Variants in COL17A1 observed in about 807,000 individuals in gnomAD.
COL17A1 encodes collagen type XVII alpha 1 chain.
A neutral mutation model predicts 218.4 loss-of-function variants in COL17A1; 181 were observed. The observed-to-expected ratio is 0.83, with a 90% confidence interval of 0.73 to 0.94. The LOEUF (loss-of-function observed/expected upper bound fraction) is 0.94, where lower values mean the gene tolerates loss of function less well. COL17A1 is among the 40% of genes least tolerant of loss of function. COL17A1 has a pLI of 0.00. For synonymous variants in COL17A1, 721 were observed against 731.0 expected, an observed-to-expected ratio of 0.99 and a Z score of 0.22; for missense variants, 1,924 against 1,945.9, an observed-to-expected ratio of 0.99 and a Z score of 0.21.
rs2086360047 is a variant in COL17A1, at chr10:104,041,529, T to C, written c.2561A>G (p.Asn854Ser). 1 of 1,613,090 alleles carries C rather than the reference T, an allele frequency of 6.2e-7. No individual in the cohort carries two copies. The highest frequency in any genetic ancestry group is 8.5e-7 in the Non-Finnish European group (1 of 1,179,100). The change falls in exon 37 of 56, where the codon AAT becomes AGT. Residue 854 changes from asparagine (N) to serine (S), a missense_variant. Transcript: ENST00000648076. ...GGGTGGGCCTGGGGGACCTTGTAAA[T>C]TAAGAACTTCTATAGAGAGAAGAAA... Reference protein sequence around the residue: ...AGLPGHQEVLNLQGPPGPPGP... With the variant: ...AGLPGHQEVLSLQGPPGPPGP...
intron 13 of COL17A1, among the ~76,000 whole-genome samples, chr10:104,061,113 A>T (rs999707053): frequency 6.6e-6 from 1 of 152,216 alleles, no homozygotes; most frequent in African/African-American, 2.4e-5. Context: ...AAAGGCTTCC[A>T]GTCAAGGGCA....
intron 28 of COL17A1, 63 bp from the exon 29 acceptor site, chr10:104,049,534 G>A (rs1283941385): frequency 1.1e-5 from 17 of 1,549,056 alleles, no homozygotes; most frequent in Non-Finnish European, 1.5e-5. Context: ...TAACAATGGT[G>A]GTCTGCTCCC....
intron 4 of COL17A1, among the ~76,000 whole-genome samples, chr10:104,077,020 G>A (rs975832163): frequency 5.3e-5 from 8 of 152,146 alleles, no homozygotes; most frequent in Admixed American, 3.9e-4. Flanking sequence ...AGTTTCTTTC[G>A]TTGTTAATTC....
Position 104,036,622 on chromosome 10 carries a change from C to A in COL17A1, c.3288G>T (p.Val1096=). 2 of 1,613,852 alleles carry A rather than the reference C, an allele frequency of 1.2e-6. No homozygotes were observed. ...DILAVLQRDD[V]RQYLRQYLMG... The stretch of plus-strand genomic sequence containing the variant: ...TCAAGTACTGACGTAGGTACTGACG[C>A]ACGTCATCCCCTGGAGAGGAGAGGA... Residue 1096 remains valine (V), a synonymous_variant, in exon 48 of 56, where the codon GTG becomes GTT. Coordinates refer to ENST00000648076, the MANE Select transcript of COL17A1 (RefSeq NM_000494.4).
chr10:104,053,282 A>G lies in COL17A1; in HGVS notation c.1835-147T>C, dbSNP rs1424142490. On this transcript the variant is annotated intron_variant, in intron 22 of 55. Coordinates refer to ENST00000648076, the MANE Select transcript of COL17A1 (RefSeq NM_000494.4). ...CTCCTGGACCCCATAGCCTTGGCTC[A>G]ACCTGGAAGCCAGAGTGACCCTTTG... is the stretch of plus-strand genomic sequence containing the variant. 5.7e-6 allele frequency: 5 copies of G among 869,776 alleles called. No homozygotes were observed. The African/African-American group carries it at 8.3e-5, about 15-fold the overall frequency. The allele number at this position is 869,776 out of a possible 1,614,324, so 53.9% of individuals were successfully genotyped here.
At chr10:104,048,379 G>C (rs927836896) in intron 29 of COL17A1, among the ~76,000 whole-genome samples, 2 of 152,164 alleles carry the variant, frequency 1.3e-5, no homozygotes, top group Non-Finnish European at 2.9e-5. Flanking sequence ...GCGTTTACTT[G>C]AGGGCCTAGA....
In COL17A1 at chr10:104,080,621, C is replaced by T; in HGVS notation, c.52+1G>A. The T allele has an allele frequency of 6.2e-7, 1 of 1,612,682 alleles. No homozygotes were observed. The highest frequency in any genetic ancestry group is 8.5e-7 in the Non-Finnish European group (1 of 1,179,944). ...AAATTAAAAAATTCTGATGCTCTTA[C>T]TTCTCTCAGTGACTTCAGTTCCATC... is the stretch of plus-strand genomic sequence containing the variant. On this transcript the variant is annotated splice_donor_variant, in intron 2 of 55. Transcript: ENST00000648076. LOFTEE classifies it high-confidence loss of function.
At chr10:104,084,528 T>C (rs1176513086) in intron 1 of COL17A1, among the ~76,000 whole-genome samples, 3 of 152,134 alleles carry the variant, frequency 2.0e-5, no homozygotes, top group African/African-American at 7.2e-5. Context: ...AATATGAGTG[T>C]GCACCACTAC....
chr10:104,077,337 G>T, intron 4 of COL17A1, 85 bp downstream of exon 4: 3 of 1,024,448 alleles, frequency 2.9e-6, no homozygotes, highest in Non-Finnish European at 3.0e-6. Flanking sequence ...AATTGTGTCT[G>T]CCCTGTGTCC....
At chr10:104,076,099 A>G (rs2086707869) in intron 5 of COL17A1, among the ~76,000 whole-genome samples, 1 of 152,254 alleles carries the variant, frequency 6.6e-6, no homozygotes, top group Non-Finnish European at 1.5e-5. Flanking sequence ...AAAAGTAACT[A>G]AATGGGTGAA....
At position 104,032,067 on chromosome 10, in the gene COL17A1, T is replaced by C; in HGVS notation, c.*168A>G. 1.5e-6 allele frequency: 1 copy of C among 646,738 alleles called. No individual in the cohort carries two copies. Among genetic ancestry groups the C allele is most frequent in the Non-Finnish European group, 2.8e-6 (1 of 358,160 alleles). 40.1% of individuals were successfully genotyped at this position (646,738 alleles called of 1,614,324 possible). On this transcript the variant is annotated 3_prime_UTR_variant, in exon 56 of 56. Coordinates refer to ENST00000648076, the MANE Select transcript of COL17A1 (RefSeq NM_000494.4). ...TTCAGATTGTGTATCTTTGACTGAATTCTATAAGTATATATTGTTCAGACT... is the reference window on the plus strand; with the variant it reads ...TTCAGATTGTGTATCTTTGACTGAACTCTATAAGTATATATTGTTCAGACT...
rs1554849247 is a variant in COL17A1, at chr10:104,055,444, TCACACACACA to T, written c.1688-53_1688-44del. ...TCCTGAGTCAGCTTCACATCTCCTGTCACACACACACACACACACACACACACACACACAC... is the reference window on the plus strand; with the variant it reads ...TCCTGAGTCAGCTTCACATCTCCTGTCACACACACACACACACACACACAC... On this transcript the variant is annotated intron_variant, in intron 18 of 55. Coordinates refer to ENST00000648076, the MANE Select transcript of COL17A1 (RefSeq NM_000494.4). 16 of 1,131,526 alleles carry T rather than the reference TCACACACACA, an allele frequency of 1.4e-5. No individual in the cohort carries two copies. In the African/African-American group the frequency reaches 1.5e-4, roughly 10 times the overall value. 70.1% of individuals were successfully genotyped at this position (1,131,526 alleles called of 1,614,324 possible). A position where few individuals can be genotyped will look rare whatever the true frequency, so the allele number is the denominator to read the frequency against.
At position 104,042,441 on chromosome 10, in the gene COL17A1, C is replaced by T; in HGVS notation, c.2530G>A (p.Ala844Thr). The change falls in exon 36 of 56, where the codon GCT (alanine) becomes ACT (threonine). Residue 844 changes from alanine to threonine, a missense_variant. Transcript: ENST00000648076. ...ATACCTTGATGTCCTGGGAGACCAG[C>T]TGGGCCGGCAGGGCCTGGAAACGGG... Reference protein sequence around the residue: ...PPGAPGPAGPAGLPGHQEVLN... With the variant: ...PPGAPGPAGPTGLPGHQEVLN... 6.2e-7 allele frequency: 1 copy of T among 1,614,204 alleles called. No individual in the cohort carries two copies. Among genetic ancestry groups the T allele is most frequent in the Non-Finnish European group, 8.5e-7 (1 of 1,180,042 alleles).
Position 104,039,201 on chromosome 10 carries a change from G to T in COL17A1, c.2897-80C>A, listed in dbSNP as rs955259163. 10 of 1,415,272 alleles carry T rather than the reference G, an allele frequency of 7.1e-6. No homozygotes were observed. The African/African-American group carries it at 1.4e-4, about 20-fold the overall frequency. 87.7% of individuals were successfully genotyped at this position (1,415,272 alleles called of 1,614,324 possible). On this transcript the variant is annotated intron_variant, in intron 43 of 55. Transcript: ENST00000648076. ...TAAGCCAAACCACACTTATTAGTGT[G>T]TGTCTCAACAATCGTCCCATGTCTC...
chr10:104,045,875 A>C, intron 32 of COL17A1, 82 bp from the exon 33 acceptor site: 1 of 1,118,958 alleles, frequency 8.9e-7, no homozygotes. Context: ...GTGCTCCGTC[A>C]CTCAGCACAG....
chr10:104,048,204 G>A, intron 29 of COL17A1, 100 bp from the exon 30 acceptor site: 7 of 1,311,606 alleles, frequency 5.3e-6, no homozygotes, highest in Non-Finnish European at 7.7e-6. Flanking sequence ...TGTGTCCCAG[G>A]AGCCCACGCA....
rs1239591561 is a variant in COL17A1 at position 104,055,774 on chromosome 10, G to A, written c.1687+8C>T. The A allele has an allele frequency of 6.2e-7, 1 of 1,613,692 alleles. No homozygotes were observed. Among genetic ancestry groups the A allele is most frequent in the African/African-American group, 1.3e-5 (1 of 74,918 alleles). ...GGGAGCTGGCCCTGTGCCCGGCGATGCTCTCACCATTTTCCTGTTCCATCA... is the reference window on the plus strand; with the variant it reads ...GGGAGCTGGCCCTGTGCCCGGCGATACTCTCACCATTTTCCTGTTCCATCA... On this transcript the variant is annotated splice_region_variant and intron_variant, in intron 18 of 55. Transcript: ENST00000648076.
chr10:104,040,521 G>C lies in COL17A1; in HGVS notation c.2702-111C>G, dbSNP rs77689776. On this transcript the variant is annotated intron_variant, in intron 39 of 55. Transcript: ENST00000648076. ...TCAATCAATACTTGTCAAATAGTTGGATGGGTGGATGGATGGATGAATGGG... is the reference window on the plus strand; with the variant it reads ...TCAATCAATACTTGTCAAATAGTTGCATGGGTGGATGGATGGATGAATGGG... The C allele has an allele frequency of 1.5e-3, 860 of 562,042 alleles. 2 individuals are homozygous for C. The highest frequency in any genetic ancestry group is 8.0e-3 in the Middle Eastern group (28 of 3,500). The allele number at this position is 562,042 out of a possible 1,614,324, so 34.8% of individuals were successfully genotyped here.
In COL17A1 at chr10:104,057,041, A is replaced by T; in HGVS notation, c.1399T>A (p.Trp467Arg). Residue 467 changes from tryptophan (W) to arginine (R), a missense_variant, in exon 17 of 56, where the codon TGG (tryptophan) becomes AGG (arginine). Coordinates refer to ENST00000648076, the MANE Select transcript of COL17A1 (RefSeq NM_000494.4). ...PCGSCCSWWKWLLGLLLTWLL... is the reference protein window; with the variant it reads ...PCGSCCSWWKRLLGLLLTWLL... ...CAGGTGAGCAGCAGGCCCAGCAGCC[A>T]CTTCCACCAGCTGCAGCAGGAGCCG... The T allele has an allele frequency of 6.2e-7, 1 of 1,604,964 alleles. No individual in the cohort carries two copies. Among genetic ancestry groups the T allele is most frequent in the Non-Finnish European group, 8.5e-7 (1 of 1,175,972 alleles).
Sources: allele counts gnomAD v4.1 joint callset (sites outside exome capture counted in the v4.1 genomes callset), GRCh38; gene constraint gnomAD v4.1.1; transcripts MANE v1.5; gene names NCBI Gene and HGNC (gene_info 2026-07-23, HGNC 2026-07-21).